Variants in CEP112 observed in about 807,000 individuals in gnomAD.
CEP112 encodes centrosomal protein of 112 kDa.
In CEP112, 127 loss-of-function variants were observed where a neutral mutation model predicts 153.0. The ratio of observed to expected loss-of-function variants is 0.83; its 90% CI spans 0.72 to 0.96. The LOEUF (loss-of-function observed/expected upper bound fraction) is 0.96, where lower values mean the gene tolerates loss of function less well. Among genes scored for constraint, CEP112 ranks in the 40% least tolerant of loss-of-function variants. CEP112 has a pLI of 0.00. For missense variants in CEP112, 1,089 were observed against 1,101.2 expected, an observed-to-expected ratio of 0.99 and a Z score of 0.16; for synonymous variants, 358 against 374.4, an observed-to-expected ratio of 0.96 and a Z score of 0.51.
intron 5 of CEP112, among the ~76,000 whole-genome samples, chr17:66,130,613 A>G (rs1053035852): frequency 1.3e-5 from 2 of 151,958 alleles, no homozygotes; most frequent in African/African-American, 4.8e-5. Context: ...GTCTCTACTA[A>G]AAATACAAAA....
Position 65,675,458 on chromosome 17 carries a change from G to T in CEP112, c.2697+13671C>A, listed in dbSNP as rs565241221. ...TGACCTCAAGTGATCCACCCACCTC[G>T]GCCTCCCAAAGTGCTGGGATTACAG... is the stretch of plus-strand genomic sequence containing the variant. On this transcript the variant is annotated intron_variant, in intron 24 of 26. Transcript: ENST00000535342. Among the ~76,000 whole-genome samples the T allele has an allele frequency of 3.9e-5, 6 of 152,038 alleles. No homozygotes were observed. In the East Asian group the frequency reaches 1.2e-3, roughly 29 times the overall value.
At chr17:65,639,086 G>A (rs770235683) in intron 25 of CEP112, among the ~76,000 whole-genome samples, 19 of 151,988 alleles carry the variant, frequency 1.3e-4, no homozygotes, top group Non-Finnish European at 2.4e-4. Flanking sequence ...ATATGCAGGC[G>A]TGAACAAAAT....
intron 4 of CEP112, among the ~76,000 whole-genome samples, chr17:66,162,979 T>A (rs2071777791): frequency 6.6e-6 from 1 of 152,114 alleles, no homozygotes; most frequent in South Asian, 2.1e-4. Flanking sequence ...AAAAATATGA[T>A]GAGTTAAAGG....
intron 23 of CEP112, among the ~76,000 whole-genome samples, chr17:65,740,914 A>C (rs1349659898): frequency 6.6e-6 from 1 of 152,200 alleles, no homozygotes; most frequent in African/African-American, 2.4e-5. Flanking sequence ...GAAGAATAGA[A>C]TGAGAATATC....
chr17:65,774,184 T>A (rs1165377130), intron 21 of CEP112, among the ~76,000 whole-genome samples: 5 of 152,040 alleles, frequency 3.3e-5, no homozygotes, highest in Non-Finnish European at 1.5e-5. Flanking sequence ...GTCGGTTTTA[T>A]CTCCCTGCTT....
chr17:65,939,586 C>G (rs1368896971), intron 18 of CEP112, among the ~76,000 whole-genome samples: 1 of 152,060 alleles, frequency 6.6e-6, no homozygotes, highest in Non-Finnish European at 1.5e-5. Context: ...AAATAAACAT[C>G]CATTTATAGA....
chr17:66,120,629 T>C (rs2069529793), intron 6 of CEP112, among the ~76,000 whole-genome samples: 1 of 152,240 alleles, frequency 6.6e-6, no homozygotes, highest in Non-Finnish European at 1.5e-5. Flanking sequence ...TTCATCTACA[T>C]TGTCAAATGT....
intron 24 of CEP112, among the ~76,000 whole-genome samples, chr17:65,660,208 T>TTCCTTCCTTCCTTCCTTCCTTCC (rs1567823892): frequency 4.8e-5 from 2 of 41,914 alleles, no homozygotes; most frequent in African/African-American, 3.7e-4. Flanking sequence ...TCCTTCCTTC[T>TTCCTTCCTTCCTTCCTTCCTTCC]TTCCTTCCCT....
At chr17:66,186,447 G>A (rs534282118) in intron 1 of CEP112, among the ~76,000 whole-genome samples, 6 of 151,880 alleles carry the variant, frequency 4.0e-5, no homozygotes, top group Non-Finnish European at 8.8e-5. Context: ...CCGCCACCAC[G>A]CCCAGATAAT....
At chr17:65,781,131 T>A (rs12939140) in intron 21 of CEP112, among the ~76,000 whole-genome samples, 80,307 of 151,846 alleles carry the variant, frequency 0.53, 23,069 homozygotes, top group Non-Finnish European at 0.66. Context: ...TTCTTGAGAT[T>A]TAAGCATTAG....
At chr17:66,164,333 G>A (rs1347026526) in intron 4 of CEP112, among the ~76,000 whole-genome samples, 4 of 152,048 alleles carry the variant, frequency 2.6e-5, no homozygotes, top group African/African-American at 9.7e-5. Flanking sequence ...CAAGGCGGGA[G>A]GACCATTTGA....
At chr17:65,702,510 A>G (rs8080748) in intron 23 of CEP112, among the ~76,000 whole-genome samples, 12 of 152,218 alleles carry the variant, frequency 7.9e-5, no homozygotes, top group African/African-American at 2.4e-4. Context: ...ACAAGAATAT[A>G]TATTGTGAGA....
intron 20 of CEP112, among the ~76,000 whole-genome samples, chr17:65,886,818 G>A (rs1020449729): frequency 1.3e-5 from 2 of 151,982 alleles, no homozygotes; most frequent in African/African-American, 2.4e-5. Flanking sequence ...ACACAACCGC[G>A]GGCTGCCATA....
intron 1 of CEP112, among the ~76,000 whole-genome samples, chr17:66,188,991 A>G (rs1200234100): frequency 6.6e-6 from 1 of 152,224 alleles, no homozygotes; most frequent in Non-Finnish European, 1.5e-5. Context: ...AATAAAAAAG[A>G]TTCCTCCTAA....
chr17:65,678,461 C>T (rs1037580281), intron 24 of CEP112, among the ~76,000 whole-genome samples: 19 of 151,986 alleles, frequency 1.3e-4, no homozygotes, highest in African/African-American at 2.7e-4. Context: ...ATGTCTTGAT[C>T]GAAAACATAA....
chr17:65,966,870 G>A (rs574533343), intron 17 of CEP112, among the ~76,000 whole-genome samples: 98 of 152,162 alleles, frequency 6.4e-4, no homozygotes, highest in South Asian at 2.5e-3. Context: ...AATTAGTATT[G>A]GTCTTAATAT....
rs111929262 is a variant in CEP112 at position 66,175,015 on chromosome 17, A to C, written c.470+29T>G. ...CCAAAGACAGACTAAATGATGAAAC[A>C]CATTCAAAATCCCATTCTCTTTACA... is the stretch of plus-strand genomic sequence containing the variant. On this transcript the variant is annotated intron_variant, in intron 4 of 26. Coordinates refer to ENST00000535342, the MANE Select transcript of CEP112 (RefSeq NM_001199165.4). 3 of 1,429,972 alleles carry C rather than the reference A, an allele frequency of 2.1e-6. No homozygotes were observed. In the South Asian group the frequency reaches 5.0e-5, roughly 24 times the overall value. 88.6% of individuals were successfully genotyped at this position (1,429,972 alleles called of 1,614,324 possible).
intron 18 of CEP112, among the ~76,000 whole-genome samples, chr17:65,929,904 T>C (rs2061063577): frequency 1.3e-5 from 2 of 152,210 alleles, no homozygotes; most frequent in Admixed American, 6.5e-5. Flanking sequence ...GTCCATGTTA[T>C]GATCAGATGC....
chr17:66,040,348 G>C (rs1422367486), intron 12 of CEP112, among the ~76,000 whole-genome samples: 1 of 151,912 alleles, frequency 6.6e-6, no homozygotes, highest in African/African-American at 2.4e-5. Context: ...AGCTTCTTTT[G>C]TGGGCTGCCT....
Sources: allele counts gnomAD v4.1 joint callset (sites outside exome capture counted in the v4.1 genomes callset), GRCh38; gene constraint gnomAD v4.1.1; transcripts MANE v1.5; gene names NCBI Gene and HGNC (gene_info 2026-07-23, HGNC 2026-07-21).